ATAD2B: variants seen among roughly 807,000 people sequenced by gnomAD.
ATAD2B encodes ATPase family AAA domain containing 2B.
A neutral mutation model predicts 167.6 loss-of-function variants in ATAD2B; 40 were observed. That is an observed-to-expected ratio of 0.24 (90% confidence interval 0.19 to 0.31). The LOEUF is 0.31. Among genes scored for constraint, ATAD2B ranks in the 10% least tolerant of loss-of-function variants. The pLI is 1.00. For synonymous variants in ATAD2B, 579 were observed against 596.5 expected, an observed-to-expected ratio of 0.97 and a Z score of 0.43; for missense variants, 1,242 against 1,757.2, an observed-to-expected ratio of 0.71 and a Z score of 5.24.
intron 23 of ATAD2B, among the ~76,000 whole-genome samples, chr2:23,763,977 T>C (rs557197162): frequency 5.9e-5 from 9 of 152,316 alleles, no homozygotes; most frequent in African/African-American, 1.9e-4. Context: ...CTTGTATGGG[T>C]ATCCTATGTT....
intron 19 of ATAD2B, among the ~76,000 whole-genome samples, chr2:23,796,343 T>TA (rs1389151143): frequency 2.0e-5 from 3 of 152,200 alleles, no homozygotes; most frequent in Non-Finnish European, 4.4e-5. Context: ...AAAAGGTTAC[T>TA]AGTCAGTGGG....
At chr2:23,917,190 C>T (rs1703166656) in intron 1 of ATAD2B, among the ~76,000 whole-genome samples, 2 of 152,130 alleles carry the variant, frequency 1.3e-5, no homozygotes, top group African/African-American at 2.4e-5. Flanking sequence ...AATGAATGAA[C>T]GAACAAAGGA....
Position 23,895,892 on chromosome 2 carries a change from C to G in ATAD2B, c.295G>C (p.Val99Leu), listed in dbSNP as rs1394713891. The change falls in exon 2 of 28, where the codon GTT becomes CTT. Residue 99 changes from valine to leucine, a missense_variant. Val to Leu is a conservative substitution (Grantham distance 32, BLOSUM62 1). Around this residue, in one of 9 missense-constraint regions of ATAD2B, gnomAD observed 199 missense variants for 194.9 expected, o/e 1.02. Transcript: ENST00000238789. ...CGTGATTTTGATTTGTCTTTGCAAA[C>G]AGAATCAGGTTGTTTCAAAGTGCGT... Reference protein sequence around the residue: ...AKRTLKQPDSVCKDKSKSRST... With the variant: ...AKRTLKQPDSLCKDKSKSRST... The G allele has an allele frequency of 6.2e-7, 1 of 1,613,410 alleles. No individual in the cohort carries two copies. The highest frequency in any genetic ancestry group is 1.7e-5 in the Admixed American group (1 of 59,976).
At chr2:23,703,998 ACAGGAGTGGGCATTAGCC>A in the ATAD2B span, 1 of 1,047,442 alleles carries the variant, frequency 9.5e-7, no homozygotes, top group Non-Finnish European at 1.3e-6. Context: ...CCCTCCAACC[ACAGGAGTGGGCATTAGCC>A]CAGACCAGTA....
intron 20 of ATAD2B, 26 bp from the exon 21 acceptor site, chr2:23,786,249 A>G: frequency 6.5e-7 from 1 of 1,532,422 alleles, no homozygotes; most frequent in Non-Finnish European, 8.8e-7. Context: ...GAAAATGTTA[A>G]GATTCCAACG....
At chr2:23,761,987 T>C (rs1676801877) in intron 24 of ATAD2B, among the ~76,000 whole-genome samples, 1 of 152,142 alleles carries the variant, frequency 6.6e-6, no homozygotes, top group African/African-American at 2.4e-5. Context: ...CTAGTTCAAT[T>C]GTCATAGCAA....
intron 25 of ATAD2B, among the ~76,000 whole-genome samples, chr2:23,756,653 A>G (rs1341557339): frequency 1.3e-5 from 2 of 152,304 alleles, no homozygotes; most frequent in African/African-American, 4.8e-5. Flanking sequence ...AGCCATAAGA[A>G]GTCAGAAGCT....
the ATAD2B span, among the ~76,000 whole-genome samples, chr2:23,719,880 A>G: frequency 6.6e-6 from 1 of 152,224 alleles, no homozygotes; most frequent in Non-Finnish European, 1.5e-5. Context: ...AACTCTGCCA[A>G]ATGAGACACC....
chr2:23,697,171 G>A, the ATAD2B span: 1 of 152,404 alleles, frequency 6.6e-6, no homozygotes, highest in Admixed American at 6.5e-5. Flanking sequence ...GTCCCAGCCT[G>A]GCTTCCTCCC....
In ATAD2B at chr2:23,908,543, T is replaced by C. The variant is rs2150504699; in HGVS notation, c.217-12573A>G. On this transcript the variant is annotated intron_variant, in intron 1 of 27. Coordinates refer to ENST00000238789, the MANE Select transcript of ATAD2B (RefSeq NM_017552.4). ...AACACTTTTACACTGTTGGTGGGAC[T>C]GTAAACTAGTTCAACCCTTGTGGAA... Among the ~76,000 whole-genome samples the C allele has an allele frequency of 2.0e-5, 3 of 152,320 alleles. No homozygotes were observed. The South Asian group carries it at 6.2e-4, about 32-fold the overall frequency.
chr2:23,923,934 G>A (rs913006333), intron 1 of ATAD2B, among the ~76,000 whole-genome samples: 2 of 152,208 alleles, frequency 1.3e-5, no homozygotes, highest in African/African-American at 4.8e-5. Flanking sequence ...TGTAATCCCA[G>A]CACTTTGGGA....
chr2:23,847,943 A>C (rs1691946651), intron 13 of ATAD2B, among the ~76,000 whole-genome samples: 1 of 149,464 alleles, frequency 6.7e-6, no homozygotes, highest in Non-Finnish European at 1.5e-5. Context: ...CAGTGAGCCG[A>C]GATCGCACCA....
chr2:23,703,041 A>G, the ATAD2B span: 10 of 505,656 alleles, frequency 2.0e-5, no homozygotes, highest in African/African-American at 1.8e-4. Context: ...GTCTCATCGC[A>G]GTGCCCCCCA....
chr2:23,706,717 C>T, the ATAD2B span: 1 of 1,321,144 alleles, frequency 7.6e-7, no homozygotes, highest in South Asian at 1.7e-5. Context: ...GAGGCAAGTG[C>T]CACGCAATGA....
intron 15 of ATAD2B, among the ~76,000 whole-genome samples, chr2:23,827,598 T>C (rs988388733): frequency 2.0e-5 from 3 of 152,284 alleles, no homozygotes; most frequent in Admixed American, 6.5e-5. Flanking sequence ...TAGTAAAATA[T>C]CATCATAAAT....
the ATAD2B span, among the ~76,000 whole-genome samples, chr2:23,688,092 G>A: frequency 6.6e-6 from 1 of 152,174 alleles, no homozygotes; most frequent in Non-Finnish European, 1.5e-5. Context: ...GAGTGGACAG[G>A]TGTGGCTTGG....
chr2:23,770,335 A>G (rs1418335123), intron 22 of ATAD2B, among the ~76,000 whole-genome samples: 4 of 152,030 alleles, frequency 2.6e-5, no homozygotes, highest in African/African-American at 7.2e-5. Context: ...TAAACAAATA[A>G]ATAAATAAAT....
intron 22 of ATAD2B, among the ~76,000 whole-genome samples, chr2:23,782,610 A>C (rs550162768): frequency 6.6e-6 from 1 of 152,366 alleles, no homozygotes; most frequent in East Asian, 1.9e-4. Flanking sequence ...TTTTCAATTA[A>C]ATTCTCAAAT....
At chr2:23,856,777 T>C (rs1246339202) in intron 13 of ATAD2B, among the ~76,000 whole-genome samples, 1 of 151,980 alleles carries the variant, frequency 6.6e-6, no homozygotes, top group Non-Finnish European at 1.5e-5. Flanking sequence ...TAAGAATCAC[T>C]TGAACCCAGG....
Sources: allele counts gnomAD v4.1 joint callset (sites outside exome capture counted in the v4.1 genomes callset), GRCh38; gene constraint gnomAD v4.1.1; regional missense constraint gnomAD v4.1.1; transcripts MANE v1.5; gene names NCBI Gene and HGNC (gene_info 2026-07-23, HGNC 2026-07-21).